Variants in RBM45 observed in about 807,000 individuals in gnomAD.
RBM45 encodes the protein RNA binding motif protein 45.
In RBM45, 39 loss-of-function variants were observed where a neutral mutation model predicts 58.5. The ratio of observed to expected loss-of-function variants is 0.67; its 90% CI spans 0.52 to 0.87. The LOEUF (loss-of-function observed/expected upper bound fraction) is 0.87. RBM45 is among the 40% of genes least tolerant of loss of function. The pLI is 0.00. For missense variants in RBM45, 481 were observed against 581.6 expected (o/e 0.83, Z 1.78); for synonymous variants, 193 against 203.0 (o/e 0.95, Z 0.42).
chr2:178,125,819 T>TTTC, intron 8 of RBM45, 165 bp from the exon 9 acceptor site: 1 of 714,802 alleles, frequency 1.4e-6, no homozygotes, highest in Non-Finnish European at 2.6e-6. Context: ...AAGAGAGATC[T>TTTC]GAATGAGAAT....
At position 178,112,738 on chromosome 2, in the gene RBM45, G is replaced by A. The variant is rs1195289602; in HGVS notation, c.192G>A (p.Glu64=). ...TGGTGCGGGACAAGCACACCAAGGA[G>A]TCCAAGGGCATTGCTTTCGTCAAGT... ...IWVVRDKHTK[E]SKGIAFVKFA... The change falls in exon 1 of 10, where the codon GAG becomes GAA. Residue 64 remains glutamate, a synonymous_variant. Transcript: ENST00000286070. 3.7e-6 allele frequency: 6 copies of A among 1,614,036 alleles called. No homozygotes were observed. In the African/African-American group the frequency reaches 6.7e-5, roughly 18 times the overall value.
chr2:178,122,719 G>A (rs2087871265), intron 5 of RBM45, among the ~76,000 whole-genome samples: 1 of 151,928 alleles, frequency 6.6e-6, no homozygotes, highest in African/African-American at 2.4e-5. Context: ...TATTAATAGA[G>A]GTGTCATCAT....
chr2:178,118,955 T>C (rs2087813959), intron 3 of RBM45, among the ~76,000 whole-genome samples: 1 of 152,196 alleles, frequency 6.6e-6, no homozygotes, highest in African/African-American at 2.4e-5. Flanking sequence ...TGCAGTATAC[T>C]GATCAATATG....
At position 178,121,362 on chromosome 2, in the gene RBM45, A is replaced by G. The variant is rs1391150788; in HGVS notation, c.853+3A>G. On this transcript the variant is annotated splice_donor_region_variant and intron_variant, in intron 5 of 9. Transcript: ENST00000286070. Reference sequence around the variant, plus strand: ...ACGAGATCCTTATTCAAATTATGGTAAAATAATGTTCACATTAAAAAATAT... The same window carrying G: ...ACGAGATCCTTATTCAAATTATGGTGAAATAATGTTCACATTAAAAAATAT... 1 of 1,495,142 alleles carries G rather than the reference A, an allele frequency of 6.7e-7. No individual in the cohort carries two copies. Among genetic ancestry groups the G allele is most frequent in the Non-Finnish European group, 9.0e-7 (1 of 1,105,496 alleles). The allele number at this position is 1,495,142 out of a possible 1,614,324, so 92.6% of individuals were successfully genotyped here.
At chr2:178,122,808 G>C (rs1310951838) in intron 5 of RBM45, among the ~76,000 whole-genome samples, 2 of 151,978 alleles carry the variant, frequency 1.3e-5, no homozygotes, top group African/African-American at 2.4e-5. Context: ...TAAAATGTTG[G>C]ATGCTTGGGT....
intron 4 of RBM45, 173 bp from the exon 5 acceptor site, chr2:178,121,007 A>G: frequency 2.4e-6 from 1 of 411,380 alleles, no homozygotes; most frequent in Non-Finnish European, 4.3e-6. Context: ...GAGTGGGGAG[A>G]GTTGTCTCTT....
intron 1 of RBM45, among the ~76,000 whole-genome samples, chr2:178,113,361 G>A (rs2087730866): frequency 1.3e-5 from 2 of 152,208 alleles, no homozygotes; most frequent in South Asian, 4.1e-4. Context: ...AGTACCAGGC[G>A]AAAGAATACA....
chr2:178,133,585 A>G (rs946237789), downstream of RBM45, among the ~76,000 whole-genome samples: 3 of 152,240 alleles, frequency 2.0e-5, no homozygotes, highest in African/African-American at 7.2e-5. Context: ...CTTTTGATTT[A>G]TAGGTACATT....
At chr2:178,134,729 C>T (rs929759326) in intron 3 of RBM45, among the ~76,000 whole-genome samples, 4 of 152,092 alleles carry the variant, frequency 2.6e-5, no homozygotes, top group East Asian at 1.9e-4. Flanking sequence ...CAGTGGCTGA[C>T]GCCTGTAATC....
chr2:178,129,204 C>T (rs2087975265), intron 9 of RBM45, among the ~76,000 whole-genome samples, 193 bp from the exon 10 acceptor site: 1 of 152,070 alleles, frequency 6.6e-6, no homozygotes, highest in African/African-American at 2.4e-5. Context: ...CAACACTTTC[C>T]CTCTAGAAAT....
At chr2:178,120,443 T>G in intron 4 of RBM45, 34 bp downstream of exon 4, 1 of 1,577,524 alleles carries the variant, frequency 6.3e-7, no homozygotes, top group East Asian at 2.2e-5. Flanking sequence ...AATAGTATAA[T>G]GTAGTATATG....
At chr2:178,120,651 T>G (rs1205373450) in intron 4 of RBM45, among the ~76,000 whole-genome samples, 2 of 152,188 alleles carry the variant, frequency 1.3e-5, no homozygotes, top group Non-Finnish European at 2.9e-5. Flanking sequence ...TTCCTCATAT[T>G]AGAAACTATT....
intron 3 of RBM45, among the ~76,000 whole-genome samples, chr2:178,119,178 C>G (rs1269692976): frequency 6.6e-6 from 1 of 152,050 alleles, no homozygotes; most frequent in Non-Finnish European, 1.5e-5. Context: ...TTATTAAGCT[C>G]TCTATAAAAG....
chr2:178,116,855 C>T (rs1055405810), intron 2 of RBM45, among the ~76,000 whole-genome samples: 3 of 151,912 alleles, frequency 2.0e-5, no homozygotes, highest in African/African-American at 4.8e-5. Flanking sequence ...GTATTGAGAA[C>T]GGGCCTATGG....
At chr2:178,119,686 G>C (rs952430716) in intron 3 of RBM45, among the ~76,000 whole-genome samples, 1 of 152,136 alleles carries the variant, frequency 6.6e-6, no homozygotes, top group Non-Finnish European at 1.5e-5. Context: ...GAAGAAAACT[G>C]AACCCTTGAA....
At chr2:178,138,177 C>G (rs1379750323) in exon 4 of RBM45, 1 of 152,036 alleles carries the variant, frequency 6.6e-6, no homozygotes, top group Non-Finnish European at 1.5e-5. Context: ...GAGGGAAGTT[C>G]CCCCACTTTT....
At chr2:178,131,284 T>C (rs2088002337), downstream of RBM45, among the ~76,000 whole-genome samples, 1 of 152,234 alleles carries the variant, frequency 6.6e-6, no homozygotes, top group South Asian at 2.1e-4. Context: ...GCTTGAATTA[T>C]CTCAAAAATA....
intron 8 of RBM45, among the ~76,000 whole-genome samples, chr2:178,125,107 A>G (rs542557735): frequency 6.6e-6 from 1 of 152,172 alleles, no homozygotes; most frequent in South Asian, 2.1e-4. Flanking sequence ...ATAATGTGAT[A>G]GTATATTGAG....
chr2:178,132,064 A>T (rs750141728), downstream of RBM45, among the ~76,000 whole-genome samples: 16 of 152,146 alleles, frequency 1.1e-4, no homozygotes, highest in South Asian at 1.0e-3. Flanking sequence ...TTCTTTAAAA[A>T]TTTTTTTAAA....
Sources: gnomAD v4.1 joint callset for allele counts (sites outside exome capture counted in the v4.1 genomes callset) on GRCh38, gnomAD v4.1.1 for gene constraint, MANE v1.5 for transcripts, NCBI Gene and HGNC (gene_info 2026-07-23, HGNC 2026-07-21) for gene names.